Variants in MYOZ2 observed in about 807,000 individuals in gnomAD.
The protein encoded by MYOZ2 is myozenin-2.
A neutral mutation model predicts 25.4 loss-of-function variants in MYOZ2; 19 were observed. The observed-to-expected ratio is 0.75, with a 90% CI of 0.52 to 1.10. The LOEUF (loss-of-function observed/expected upper bound fraction) is 1.10. Ranked by LOEUF, MYOZ2 falls within the 50% of genes least tolerant of loss-of-function variation. The pLI is 0.00. For synonymous variants in MYOZ2, 92 were observed against 106.9 expected (o/e 0.86, Z 0.86); for missense variants, 270 against 317.9 (o/e 0.85, Z 1.15).
chr4:119,183,389 G>C (rs1198076910), intron 5 of MYOZ2, among the ~76,000 whole-genome samples: 5 of 151,568 alleles, frequency 3.3e-5, no homozygotes, highest in Admixed American at 6.6e-5. Context: ...TAGAAACGCA[G>C]TTGTAAATAT....
At chr4:119,172,780 T>G (rs979602193) in intron 5 of MYOZ2, among the ~76,000 whole-genome samples, 10 of 152,174 alleles carry the variant, frequency 6.6e-5, no homozygotes, top group Admixed American at 1.3e-4. Context: ...ACCATAAATT[T>G]CTCCCAAAGT....
chr4:119,156,444 T>G (rs1741578548), intron 3 of MYOZ2, among the ~76,000 whole-genome samples: 1 of 151,994 alleles, frequency 6.6e-6, no homozygotes, highest in Non-Finnish European at 1.5e-5. Flanking sequence ...CATTTAGGCT[T>G]ATTCAGTATG....
intron 5 of MYOZ2, among the ~76,000 whole-genome samples, chr4:119,165,614 G>C (rs1741807002): frequency 1.3e-5 from 2 of 152,104 alleles, no homozygotes; most frequent in East Asian, 1.9e-4. Flanking sequence ...GCATGAAAGA[G>C]GTGTACCATA....
At chr4:119,184,148 C>A (rs1578373455) in intron 5 of MYOZ2, among the ~76,000 whole-genome samples, 1 of 152,116 alleles carries the variant, frequency 6.6e-6, no homozygotes, top group South Asian at 2.1e-4. Context: ...GCAATAGCAG[C>A]CAGAATGACC....
chr4:119,179,819 G>T (rs1333050657), intron 5 of MYOZ2, among the ~76,000 whole-genome samples: 2 of 152,218 alleles, frequency 1.3e-5, no homozygotes, highest in East Asian at 3.9e-4. Flanking sequence ...GTTCTCACAT[G>T]ATGGATGCAA....
At chr4:119,169,081 T>C (rs1193392195) in intron 5 of MYOZ2, among the ~76,000 whole-genome samples, 1 of 149,874 alleles carries the variant, frequency 6.7e-6, no homozygotes, top group Non-Finnish European at 1.5e-5. Flanking sequence ...ATCAACAATA[T>C]GGCAATCACT....
chr4:119,148,416 A>T (rs1033556504), intron 2 of MYOZ2, among the ~76,000 whole-genome samples: 2 of 152,008 alleles, frequency 1.3e-5, no homozygotes, highest in South Asian at 2.1e-4. Flanking sequence ...TTCAGCCGTG[A>T]TTTCTTTAAG....
intron 2 of MYOZ2, among the ~76,000 whole-genome samples, chr4:119,140,613 G>T (rs1741142010): frequency 6.6e-6 from 1 of 152,178 alleles, no homozygotes; most frequent in East Asian, 1.9e-4. Flanking sequence ...GAGTACAAGA[G>T]AACTAGGCTA....
At chr4:119,160,739 C>A (rs1478411771) in intron 4 of MYOZ2, among the ~76,000 whole-genome samples, 1 of 151,968 alleles carries the variant, frequency 6.6e-6, no homozygotes, top group Admixed American at 6.6e-5. Context: ...GTACCTCCAA[C>A]GCAACTGTTA....
rs893828338 is a variant in MYOZ2, at chr4:119,187,585, T to C, written c.*1385T>C. 6.6e-6 allele frequency: 1 copy of C among 152,036 alleles called. No individual in the cohort carries two copies. The highest frequency in any genetic ancestry group is 1.5e-5 in the Non-Finnish European group (1 of 67,990). The allele number at this position is 152,036 out of a possible 1,614,324, so 9.4% of individuals were successfully genotyped here. A position where few individuals can be genotyped will look rare whatever the true frequency, so the allele number is the denominator to read the frequency against. ...CCAGAAAGTAACAATGACAAAGTAT[T>C]ATATTTATATATATTATTGTAGAGA... On this transcript the variant is annotated 3_prime_UTR_variant, in exon 6 of 6. Coordinates refer to ENST00000307128, the MANE Select transcript of MYOZ2 (RefSeq NM_016599.5).
chr4:119,183,792 G>A (rs965360630), intron 5 of MYOZ2, among the ~76,000 whole-genome samples: 1 of 149,344 alleles, frequency 6.7e-6, no homozygotes, highest in African/African-American at 2.5e-5. Context: ...TACTGCAATA[G>A]CTTCCCTCCT....
chr4:119,170,470 A>G (rs1741926041), intron 5 of MYOZ2, among the ~76,000 whole-genome samples: 1 of 152,134 alleles, frequency 6.6e-6, no homozygotes, highest in Admixed American at 6.5e-5. Flanking sequence ...AGTCCTTTCC[A>G]AGATTATTCA....
Position 119,186,254 on chromosome 4 carries a change from C to A in MYOZ2, c.*54C>A. On this transcript the variant is annotated 3_prime_UTR_variant, in exon 6 of 6. Coordinates refer to ENST00000307128, the MANE Select transcript of MYOZ2 (RefSeq NM_016599.5). ...TCTGAATATAAAAGTTGCTGTTCTA[C>A]TATTTTAACTACTGGCAAAGCCACT... is the stretch of plus-strand genomic sequence containing the variant. 7.0e-7 allele frequency: 1 copy of A among 1,429,548 alleles called. No individual in the cohort carries two copies. Among genetic ancestry groups the A allele is most frequent in the Non-Finnish European group, 9.8e-7 (1 of 1,022,700 alleles). 88.6% of individuals were successfully genotyped at this position (1,429,548 alleles called of 1,614,324 possible). A position where few individuals can be genotyped will look rare whatever the true frequency, so the allele number is the denominator to read the frequency against.
At chr4:119,153,761 C>T (rs535602111) in intron 3 of MYOZ2, among the ~76,000 whole-genome samples, 1 of 152,092 alleles carries the variant, frequency 6.6e-6, no homozygotes, top group East Asian at 1.9e-4. Context: ...TTGAATTCTA[C>T]TGGTGAGGGA....
At chr4:119,156,519 G>A (rs1326328002) in intron 3 of MYOZ2, among the ~76,000 whole-genome samples, 7 of 152,056 alleles carry the variant, frequency 4.6e-5, no homozygotes, top group Non-Finnish European at 1.0e-4. Flanking sequence ...TTGTAAAAAT[G>A]TTTAAAGTCA....
At position 119,179,892 on chromosome 4, in the gene MYOZ2, A is replaced by G. The variant is rs56293317; in HGVS notation, c.561-6074A>G. 4.1e-3 allele frequency among the ~76,000 whole-genome samples: 629 copies of G among 152,368 alleles called. 5 individuals are homozygous for G. The highest frequency in any genetic ancestry group is 0.014 in the African/African-American group (588 of 41,600). The stretch of plus-strand genomic sequence containing the variant: ...CCCTTTATAGGGCACTAATCCATTC[A>G]TGAGGGCAGCGCCCTCATGACTTGG... On this transcript the variant is annotated intron_variant, in intron 5 of 5. Coordinates refer to ENST00000307128, the MANE Select transcript of MYOZ2 (RefSeq NM_016599.5).
At chr4:119,174,670 C>T (rs1351667070) in intron 5 of MYOZ2, among the ~76,000 whole-genome samples, 1 of 152,124 alleles carries the variant, frequency 6.6e-6, no homozygotes, top group Non-Finnish European at 1.5e-5. Context: ...CCACCGGGCT[C>T]TACCAATCAG....
intron 4 of MYOZ2, among the ~76,000 whole-genome samples, chr4:119,160,358 T>C (rs567060333): frequency 4.1e-4 from 62 of 151,788 alleles, no homozygotes; most frequent in Non-Finnish European, 4.1e-4. Flanking sequence ...AGAGGACATA[T>C]GGAAAAGTGA....
chr4:119,178,599 T>A (rs1349173627), intron 5 of MYOZ2, among the ~76,000 whole-genome samples: 1 of 152,082 alleles, frequency 6.6e-6, no homozygotes, highest in Non-Finnish European at 1.5e-5. Context: ...TCCTATTAGG[T>A]CTATTATTTA....
Sources: allele counts gnomAD v4.1 joint callset (sites outside exome capture counted in the v4.1 genomes callset), GRCh38; gene constraint gnomAD v4.1.1; transcripts MANE v1.5; gene names NCBI Gene and HGNC (gene_info 2026-07-23, HGNC 2026-07-21).